Variants in WBP4 observed in about 807,000 individuals in gnomAD.
WBP4 encodes the protein WW domain-binding protein 4.
Under a neutral mutation model 55.4 loss-of-function variants are expected in WBP4, and 37 were observed. The observed-to-expected ratio is 0.67, with a 90% CI of 0.51 to 0.88. The LOEUF is 0.88. WBP4 is among the 40% of genes least tolerant of loss of function. The probability of loss-of-function intolerance (pLI) is 0.00; values close to 1 mark genes in which losing one functional copy is unlikely to be tolerated. For synonymous variants in WBP4, 142 were observed against 140.2 expected (o/e 1.01, Z -0.09); for missense variants, 398 against 420.8 (o/e 0.95, Z 0.47).
chr13:41,062,096 G>GTGTTT, intron 1 of WBP4: 1 of 805,568 alleles, frequency 1.2e-6, no homozygotes, highest in Non-Finnish European at 1.4e-6. Flanking sequence ...TAGCGTAATG[G>GTGTTT]TTTTTTTTTT....
Position 41,069,893 on chromosome 13 carries a change from G to GA in WBP4, c.439+1166dup, listed in dbSNP as rs79238311. On this transcript the variant is annotated intron_variant, in intron 5 of 9. Coordinates refer to ENST00000379487, the MANE Select transcript of WBP4 (RefSeq NM_007187.5). ...AAGTCCATCTCAAAAAAAAAAAAAA[G>GA]AAAAAAAAAATACACAGTGTCGTTT... Among the ~76,000 whole-genome samples the GA allele has an allele frequency of 3.0e-3, 413 of 138,296 alleles. 8 individuals carry two copies. In the East Asian group the frequency reaches 0.051, roughly 17 times the overall value. 90.7% of individuals were successfully genotyped at this position (138,296 alleles called of 152,430 possible). A position where few individuals can be genotyped will look rare whatever the true frequency, so the allele number is the denominator to read the frequency against.
At chr13:41,080,831 C>A in intron 9 of WBP4, 22 bp downstream of exon 9, 1 of 1,590,442 alleles carries the variant, frequency 6.3e-7, no homozygotes, top group Non-Finnish European at 8.5e-7. Flanking sequence ...GAGCTTTAAT[C>A]CCACTGTTAT....
chr13:41,083,225 AT>A lies in WBP4; in HGVS notation c.*313del, dbSNP rs1418940627. The A allele has an allele frequency of 4.3e-6, 1 of 233,642 alleles. No homozygotes were observed. Among genetic ancestry groups the A allele is most frequent in the Admixed American group, 5.1e-5 (1 of 19,680 alleles). 14.5% of individuals were successfully genotyped at this position (233,642 alleles called of 1,614,324 possible). On this transcript the variant is annotated 3_prime_UTR_variant, in exon 10 of 10. Transcript: ENST00000379487. ...GAAACAGGGCCTTTATTCCATTCAT[AT>A]TCATAAGAGCATATTTATCCTGCAT...
chr13:41,065,429 GT>G, intron 4 of WBP4, 142 bp downstream of exon 4: 1 of 1,201,912 alleles, frequency 8.3e-7, no homozygotes, highest in South Asian at 2.0e-5. Context: ...TCATAGCCCT[GT>G]TTAGACTATG....
At position 41,061,834 on chromosome 13, in the gene WBP4, TC is replaced by T. The variant is rs574591434; in HGVS notation, c.2+160del. ...CCGGCCCCAGACCTGCAGGGCCGGT[TC>T]TCAGGGCGGGGTAGAAATGTTACCC... On this transcript the variant is annotated intron_variant, in intron 1 of 9. Coordinates refer to ENST00000379487, the MANE Select transcript of WBP4 (RefSeq NM_007187.5). Among the ~76,000 whole-genome samples the T allele has an allele frequency of 8.9e-4, 135 of 152,252 alleles. 2 individuals carry two copies. The highest frequency in any genetic ancestry group is 3.0e-3 in the African/African-American group (125 of 41,560).
At chr13:41,068,169 A>G (rs1878062689) in intron 4 of WBP4, among the ~76,000 whole-genome samples, 1 of 152,108 alleles carries the variant, frequency 6.6e-6, no homozygotes, top group Non-Finnish European at 1.5e-5. Flanking sequence ...TGTACCCAGT[A>G]GGTAATTTGA....
chr13:41,062,520 TACATA>T, intron 1 of WBP4, 119 bp from the exon 2 acceptor site: 2 of 873,824 alleles, frequency 2.3e-6, no homozygotes, highest in Non-Finnish European at 3.4e-6. Context: ...AAAACGACTA[TACATA>T]ACAAGACAAG....
At chr13:41,082,520 A>G (rs909298471) in intron 9 of WBP4, among the ~76,000 whole-genome samples, 184 bp from the exon 10 acceptor site, 1 of 152,198 alleles carries the variant, frequency 6.6e-6, no homozygotes, top group Non-Finnish European at 1.5e-5. Context: ...TTCTCCCAGC[A>G]TTTATCCACC....
At chr13:41,082,259 CAT>C (rs1359472015) in intron 9 of WBP4, among the ~76,000 whole-genome samples, 1 of 152,112 alleles carries the variant, frequency 6.6e-6, no homozygotes, top group Non-Finnish European at 1.5e-5. Context: ...ACTGTAGGCA[CAT>C]GACACCATGC....
At chr13:41,065,990 A>G (rs1160242545) in intron 4 of WBP4, among the ~76,000 whole-genome samples, 2 of 152,180 alleles carry the variant, frequency 1.3e-5, no homozygotes, top group Admixed American at 6.5e-5. Flanking sequence ...ACAGCTTTCA[A>G]TTAAGGTTTT....
Position 41,082,732 on chromosome 13 carries a change from A to T in WBP4, c.949A>T (p.Thr317Ser). ...GGAGGTAGATTTGGAACTTCCAAGC[A>T]CTGAAAATGAGTATGTATCAACTTC... is the stretch of plus-strand genomic sequence containing the variant. ...HEEVDLELPS[T>S]ENEYVSTSEA... Residue 317 changes from threonine (T) to serine (S), a missense_variant, in exon 10 of 10, where the codon ACT (threonine) becomes TCT (serine). Coordinates refer to ENST00000379487, the MANE Select transcript of WBP4 (RefSeq NM_007187.5). 1.2e-6 allele frequency: 2 copies of T among 1,614,110 alleles called. No individual in the cohort carries two copies. The highest frequency in any genetic ancestry group is 1.7e-6 in the Non-Finnish European group (2 of 1,180,014).
rs114777325 is a variant in WBP4, at chr13:41,064,331, C to A, written c.76-685C>A. Among the ~76,000 whole-genome samples the A allele has an allele frequency of 1.5e-3, 231 of 152,232 alleles. 1 individual carries two copies. The highest frequency in any genetic ancestry group is 5.4e-3 in the African/African-American group (226 of 41,566). On this transcript the variant is annotated intron_variant, in intron 2 of 9. Transcript: ENST00000379487. Reference sequence around the variant, plus strand: ...ATGGATACCGTATTGTTATTGCAAACAGTGCTGCAGTCAGTAAGCTTGTGT... The same window carrying A: ...ATGGATACCGTATTGTTATTGCAAAAAGTGCTGCAGTCAGTAAGCTTGTGT...
chr13:41,068,835 TTAAA>T, intron 5 of WBP4, 98 bp downstream of exon 5: 1 of 1,294,776 alleles, frequency 7.7e-7, no homozygotes, highest in East Asian at 2.6e-5. Context: ...TTGGAGCACT[TTAAA>T]TAGTGAAAGA....
At position 41,079,011 on chromosome 13, in the gene WBP4, G is replaced by A. The variant is rs77577640; in HGVS notation, c.757-1635G>A. 4.8e-4 allele frequency among the ~76,000 whole-genome samples: 73 copies of A among 151,996 alleles called. 1 individual carries two copies. The highest frequency in any genetic ancestry group is 1.7e-3 in the African/African-American group (71 of 41,460). ...GCACAGCAAAAGAAACAATTAACAGGGTAAATAAACAGCCCACATATTGGG... is the reference window on the plus strand; with the variant it reads ...GCACAGCAAAAGAAACAATTAACAGAGTAAATAAACAGCCCACATATTGGG... On this transcript the variant is annotated intron_variant, in intron 8 of 9. Coordinates refer to ENST00000379487, the MANE Select transcript of WBP4 (RefSeq NM_007187.5).
rs1211310407 is a variant in WBP4 at position 41,061,694 on chromosome 13, C to G, written c.2+19C>G. On this transcript the variant is annotated intron_variant, in intron 1 of 9. Transcript: ENST00000379487. Reference sequence around the variant, plus strand: ...CAGTCATGTGAGTTGGGTCTCAGGCCCTGAACAACGAGGTGTTGTTTCTCT... The same window carrying G: ...CAGTCATGTGAGTTGGGTCTCAGGCGCTGAACAACGAGGTGTTGTTTCTCT... The G allele has an allele frequency of 3.7e-6, 6 of 1,613,900 alleles. No homozygotes were observed. Among genetic ancestry groups the G allele is most frequent in the Non-Finnish European group, 5.1e-6 (6 of 1,180,030 alleles).
Position 41,061,525 on chromosome 13 carries a change from G to C in WBP4, c.-149G>C, listed in dbSNP as rs760951408. ...TGGGCACCCGTAGTTGGGAACAGCG[G>C]AACGCTGGTCCCGGGGACTGAGTAA... On this transcript the variant is annotated 5_prime_UTR_variant, in exon 1 of 10. Transcript: ENST00000379487. 10 of 1,274,278 alleles carry C rather than the reference G, an allele frequency of 7.8e-6. No individual in the cohort carries two copies. Among genetic ancestry groups the C allele is most frequent in the African/African-American group, 5.8e-5 (4 of 68,896 alleles). 78.9% of individuals were successfully genotyped at this position (1,274,278 alleles called of 1,614,324 possible).
intron 4 of WBP4, 29 bp from the exon 5 acceptor site, chr13:41,068,532 G>A (rs763094733): frequency 2.0e-6 from 3 of 1,526,966 alleles, no homozygotes; most frequent in East Asian, 2.3e-5. Context: ...AGTTACTATA[G>A]CTGCTTTACC....
chr13:41,077,904 C>CAA (rs148480921), intron 8 of WBP4, among the ~76,000 whole-genome samples: 10 of 147,460 alleles, frequency 6.8e-5, no homozygotes, highest in Non-Finnish European at 7.5e-5. Flanking sequence ...GTGGTAACTA[C>CAA]AAAAAAAAAA....
At chr13:41,067,364 A>G (rs1034787031) in intron 4 of WBP4, among the ~76,000 whole-genome samples, 1 of 152,194 alleles carries the variant, frequency 6.6e-6, no homozygotes, top group African/African-American at 2.4e-5. Context: ...ACAACAAAAC[A>G]TTTCTTTGAA....
Sources: allele counts gnomAD v4.1 joint callset (sites outside exome capture counted in the v4.1 genomes callset), GRCh38; gene constraint gnomAD v4.1.1; transcripts MANE v1.5; gene names NCBI Gene and HGNC (gene_info 2026-07-23, HGNC 2026-07-21).